FBXO32: variants seen among roughly 807,000 people sequenced by gnomAD.
The protein encoded by FBXO32 is F-box protein 32.
In FBXO32, 15 loss-of-function variants were observed where a neutral mutation model predicts 48.3. The observed-to-expected ratio is 0.31, with a 90% CI of 0.21 to 0.48. The LOEUF is 0.48. Ranked by LOEUF, FBXO32 falls within the 20% of genes least tolerant of loss-of-function variation. The pLI is 0.99. For synonymous variants in FBXO32, 154 were observed against 165.9 expected (o/e 0.93, Z 0.55); for missense variants, 309 against 432.7 (o/e 0.71, Z 2.54).
chr8:123,527,716 G>T (rs1817114702), intron 4 of FBXO32, among the ~76,000 whole-genome samples: 1 of 152,130 alleles, frequency 6.6e-6, no homozygotes, highest in African/African-American at 2.4e-5. Context: ...ATTGCATTTT[G>T]AAATTTATAT....
chr8:123,510,901 G>A (rs562687419), intron 6 of FBXO32, among the ~76,000 whole-genome samples: 1 of 152,348 alleles, frequency 6.6e-6, no homozygotes, highest in East Asian at 1.9e-4. Flanking sequence ...CTCGGAAGAA[G>A]GTGATATGAT....
chr8:123,515,527 G>A (rs1238393018), intron 4 of FBXO32, among the ~76,000 whole-genome samples: 2 of 151,722 alleles, frequency 1.3e-5, no homozygotes, highest in Non-Finnish European at 2.9e-5. Flanking sequence ...GGGATTACAG[G>A]CATGAGCCAC....
chr8:123,539,161 T>C lies in FBXO32; in HGVS notation c.116+1738A>G, dbSNP rs536142956. On this transcript the variant is annotated intron_variant, in intron 1 of 8. Transcript: ENST00000517956. ...GGGTAAGTATTAATACGACCCTACA[T>C]TTTAAATCTTCTGCTGAACTCAATC... Among the ~76,000 whole-genome samples the C allele has an allele frequency of 4.6e-5, 7 of 152,296 alleles. No homozygotes were observed. In the East Asian group the frequency reaches 1.4e-3, roughly 29 times the overall value.
chr8:123,507,447 G>A (rs935520033), intron 6 of FBXO32, among the ~76,000 whole-genome samples: 40 of 146,864 alleles, frequency 2.7e-4, no homozygotes, highest in African/African-American at 9.6e-4. Context: ...GGGTGTGTGT[G>A]TGTGTGTGTG....
intron 6 of FBXO32, among the ~76,000 whole-genome samples, chr8:123,507,060 T>C (rs1816641198): frequency 2.0e-5 from 3 of 152,134 alleles, no homozygotes; most frequent in African/African-American, 4.8e-5. Flanking sequence ...CTCCCCAGTC[T>C]TCTCTGCCCG....
rs1816399208 is a variant in FBXO32, at chr8:123,498,257, CTTA to C, written c.*5113_*5115del. 6.6e-6 allele frequency: 1 copy of C among 152,224 alleles called. No homozygotes were observed. Among genetic ancestry groups the C allele is most frequent in the Non-Finnish European group, 1.5e-5 (1 of 68,040 alleles). 9.4% of individuals were successfully genotyped at this position (152,224 alleles called of 1,614,324 possible). A position where few individuals can be genotyped will look rare whatever the true frequency, so the allele number is the denominator to read the frequency against. ...ATAGAATACAGCTTGGAGCCTTCTGCTTAACAGACTTGTGCTTCGTTAATTAAA... is the reference window on the plus strand; with the variant it reads ...ATAGAATACAGCTTGGAGCCTTCTGCACAGACTTGTGCTTCGTTAATTAAA... On this transcript the variant is annotated 3_prime_UTR_variant, in exon 9 of 9. Coordinates refer to ENST00000517956, the MANE Select transcript of FBXO32 (RefSeq NM_058229.4).
In FBXO32 at chr8:123,540,919, A is replaced by G; in HGVS notation, c.96T>C (p.Ser32=). 1.2e-6 allele frequency: 2 copies of G among 1,613,100 alleles called. No individual in the cohort carries two copies. Among genetic ancestry groups the G allele is most frequent in the Non-Finnish European group, 1.7e-6 (2 of 1,179,534 alleles). The part of the protein sequence containing the change: ...WKRFLDEKSG[S]FVSDLSSYCN... ...CTCACCTGCTGAGGTCGCTCACGAA[A>G]CTGCCGCTCTTCTCATCCAGGAAGC... The change falls in exon 1 of 9, where the codon AGT becomes AGC. Residue 32 remains serine (S), a synonymous_variant. Coordinates refer to ENST00000517956, the MANE Select transcript of FBXO32 (RefSeq NM_058229.4). This position sits in a 1 kb window ranked among gnomAD's most constrained non-coding sequence, Gnocchi z 6.4.
At chr8:123,534,122 CAAA>C (rs74355915) in intron 2 of FBXO32, among the ~76,000 whole-genome samples, 4 of 132,696 alleles carry the variant, frequency 3.0e-5, no homozygotes, top group Non-Finnish European at 4.9e-5. Context: ...CAAAAAACAC[CAAA>C]AAAAAAAAAA....
At position 123,523,545 on chromosome 8, in the gene FBXO32, G is replaced by A. The variant is rs561574880; in HGVS notation, c.372+8353C>T. The stretch of plus-strand genomic sequence containing the variant: ...GCAGAGGTTGCAGTGAGCCAAGATC[G>A]CGGCACTGCACTCCAGCCTGGTGAC... On this transcript the variant is annotated intron_variant, in intron 4 of 8. Transcript: ENST00000517956. Among the ~76,000 whole-genome samples, 40 of 152,038 alleles carry A rather than the reference G, an allele frequency of 2.6e-4. No homozygotes were observed. The South Asian group carries it at 7.7e-3, about 29-fold the overall frequency.
At position 123,498,302 on chromosome 8, in the gene FBXO32, C is replaced by CA. The variant is rs1202361471; in HGVS notation, c.*5070dup. The CA allele has an allele frequency of 6.6e-6, 1 of 152,132 alleles. No homozygotes were observed. The allele number at this position is 152,132 out of a possible 1,614,324, so 9.4% of individuals were successfully genotyped here. A position where few individuals can be genotyped will look rare whatever the true frequency, so the allele number is the denominator to read the frequency against. ...TTAATTAAACAAACACATCTATACT[C>CA]AAAGACAGAAAAAGTCATGTTTAAA... On this transcript the variant is annotated 3_prime_UTR_variant, in exon 9 of 9. Transcript: ENST00000517956.
chr8:123,522,205 C>CTTTTTT (rs138504281), intron 4 of FBXO32, among the ~76,000 whole-genome samples: 7 of 115,284 alleles, frequency 6.1e-5, no homozygotes, highest in South Asian at 2.8e-4. Context: ...ATCCTGGTTA[C>CTTTTTT]TTTTTTTTTT....
chr8:123,540,531 A>G lies in FBXO32; in HGVS notation c.116+368T>C, dbSNP rs779620542. Among the ~76,000 whole-genome samples the G allele has an allele frequency of 5.3e-5, 8 of 151,802 alleles. No homozygotes were observed. Among genetic ancestry groups the G allele is most frequent in the Non-Finnish European group, 1.0e-4 (7 of 67,892 alleles). On this transcript the variant is annotated intron_variant, in intron 1 of 8. Transcript: ENST00000517956. The surrounding 1 kb of genome is among the most constrained non-coding windows in gnomAD (Gnocchi z 6.4). ...TCAGCCCACCCGCCCGCGCCCCCAC[A>G]TGGGCAAAGTGCGCGACTCCGGTGT... is the stretch of plus-strand genomic sequence containing the variant.
At chr8:123,519,096 AT>A (rs1195611190) in intron 4 of FBXO32, among the ~76,000 whole-genome samples, 1 of 152,052 alleles carries the variant, frequency 6.6e-6, no homozygotes. Context: ...AAGTGCTGGG[AT>A]TACAGGCATG....
intron 3 of FBXO32, 126 bp from the exon 4 acceptor site, chr8:123,532,116 C>T: frequency 1.4e-6 from 2 of 1,467,662 alleles, no homozygotes; most frequent in Admixed American, 2.5e-5. Context: ...CTTAGGTGAC[C>T]TGGGGCACTG....
intron 6 of FBXO32, among the ~76,000 whole-genome samples, chr8:123,507,699 G>C (rs1309826739): frequency 6.6e-6 from 1 of 151,424 alleles, no homozygotes; most frequent in Non-Finnish European, 1.5e-5. Flanking sequence ...ATTTTGATGA[G>C]CTCATGATAC....
At position 123,513,096 on chromosome 8, in the gene FBXO32, A is replaced by C; in HGVS notation, c.651+102T>G. On this transcript the variant is annotated intron_variant, in intron 6 of 8. Coordinates refer to ENST00000517956, the MANE Select transcript of FBXO32 (RefSeq NM_058229.4). The surrounding 1 kb of genome is among the most constrained non-coding windows in gnomAD (Gnocchi z 4.3). ...ACAAAGCAGCAGATCAGAAAAGACCAGACTCTTCCGTCACAGGAGTGAATT... is the reference window on the plus strand; with the variant it reads ...ACAAAGCAGCAGATCAGAAAAGACCCGACTCTTCCGTCACAGGAGTGAATT... 8 of 1,268,374 alleles carry C rather than the reference A, an allele frequency of 6.3e-6. No individual in the cohort carries two copies. The highest frequency in any genetic ancestry group is 1.4e-5 in the South Asian group (1 of 71,756). 78.6% of individuals were successfully genotyped at this position (1,268,374 alleles called of 1,614,324 possible). A position where few individuals can be genotyped will look rare whatever the true frequency, so the allele number is the denominator to read the frequency against.
intron 4 of FBXO32, among the ~76,000 whole-genome samples, chr8:123,531,538 G>A (rs1817208914): frequency 6.6e-6 from 1 of 152,224 alleles, no homozygotes; most frequent in Non-Finnish European, 1.5e-5. Context: ...ATTCTCTCTT[G>A]CTAAGGCTGT....
At chr8:123,526,098 C>A (rs1001966691) in intron 4 of FBXO32, among the ~76,000 whole-genome samples, 1 of 152,132 alleles carries the variant, frequency 6.6e-6, no homozygotes, top group African/African-American at 2.4e-5. Context: ...CTGCTTATCT[C>A]ATTTAGTCCT....
Position 123,506,753 on chromosome 8 carries a change from C to T in FBXO32, c.652-179G>A, listed in dbSNP as rs1219239638. ...GCAGACAGGAGACCATGGCCATGAC[C>T]CTCAATGAAGTGTGGAGTGCGCTGA... On this transcript the variant is annotated intron_variant, in intron 6 of 8. Coordinates refer to ENST00000517956, the MANE Select transcript of FBXO32 (RefSeq NM_058229.4). This position sits in a 1 kb window ranked among gnomAD's most constrained non-coding sequence, Gnocchi z 4.0. The T allele has an allele frequency of 1.7e-6, 1 of 604,456 alleles. No individual in the cohort carries two copies. Among genetic ancestry groups the T allele is most frequent in the African/African-American group, 1.9e-5 (1 of 53,470 alleles). The allele number at this position is 604,456 out of a possible 1,614,324, so 37.4% of individuals were successfully genotyped here. A position where few individuals can be genotyped will look rare whatever the true frequency, so the allele number is the denominator to read the frequency against.
Sources: gnomAD v4.1 joint callset for allele counts (sites outside exome capture counted in the v4.1 genomes callset) on GRCh38, gnomAD v4.1.1 for gene constraint, Gnocchi (gnomAD v3.1) non-coding constraint, MANE v1.5 for transcripts, NCBI Gene and HGNC (gene_info 2026-07-23, HGNC 2026-07-21) for gene names.